IGSF6: variants seen among roughly 807,000 people sequenced by gnomAD.
IGSF6 encodes the protein down-regulated by activation (immunoglobulin superfamily).
A neutral mutation model predicts 24.7 loss-of-function variants in IGSF6; 23 were observed. The observed-to-expected ratio is 0.93, with a 90% CI of 0.67 to 1.32. The LOEUF (loss-of-function observed/expected upper bound fraction) is 1.32. Among genes scored for constraint, IGSF6 ranks in the 40% most tolerant of loss-of-function variants. The probability of loss-of-function intolerance (pLI) is 0.00; values close to 1 mark genes in which losing one functional copy is unlikely to be tolerated. For missense variants in IGSF6, 295 were observed against 293.6 expected, an observed-to-expected ratio of 1.00 and a Z score of -0.04; for synonymous variants, 110 against 113.7, an observed-to-expected ratio of 0.97 and a Z score of 0.21.
intron 1 of IGSF6, among the ~76,000 whole-genome samples, chr16:21,648,798 T>C (rs1966493260): frequency 6.6e-6 from 1 of 152,216 alleles, no homozygotes; most frequent in Admixed American, 6.5e-5. Flanking sequence ...GTCCTATTTG[T>C]GTGAGTTTGT....
chr16:21,644,312 A>G lies in IGSF6; in HGVS notation c.512T>C (p.Val171Ala). The G allele has an allele frequency of 6.2e-7, 1 of 1,613,406 alleles. No individual in the cohort carries two copies. Among genetic ancestry groups the G allele is most frequent in the Non-Finnish European group, 8.5e-7 (1 of 1,179,334 alleles). The change falls in exon 3 of 6, where the codon GTG becomes GCG. Residue 171 changes from valine to alanine, a missense_variant. By Grantham distance (64) the Val-to-Ala change is moderately conservative. Coordinates refer to ENST00000268389, the MANE Select transcript of IGSF6 (RefSeq NM_005849.4). ...TACTTTGGAGAGGAGTATGAAGGCC[A>G]CGCACACACCGGTCACATAGACAGA... ...LLSVYVTGVCVAFILLSKSKS... is the reference protein window; with the variant it reads ...LLSVYVTGVCAAFILLSKSKS...
chr16:21,645,398 A>G (rs964857671), intron 2 of IGSF6, among the ~76,000 whole-genome samples: 1 of 152,214 alleles, frequency 6.6e-6, no homozygotes, highest in Non-Finnish European at 1.5e-5. Context: ...GGTTGGTTGC[A>G]GTGAGCTGAG....
Position 21,643,127 on chromosome 16 carries a change from C to A in IGSF6, c.613G>T (p.Glu205Ter). The A allele has an allele frequency of 6.2e-7, 1 of 1,608,898 alleles. No homozygotes were observed. The highest frequency in any genetic ancestry group is 8.5e-7 in the Non-Finnish European group (1 of 1,178,110). ...TTATGGTATAGTTCTTGAGCAATTT[C>A]CTGAAAAATACGCCGAGCACTCTTC... ...KKKSARRIFQ[E>*]IAQELYHKRH... is the part of the protein sequence containing the mutation. Residue 205 changes from glutamate to a stop codon, truncating the protein, a stop_gained, in exon 5 of 6, where the codon GAA becomes TAA. Transcript: ENST00000268389. LOFTEE classifies it high-confidence loss of function.
intron 5 of IGSF6, chr16:21,642,451 A>G (rs772417081): frequency 1.3e-5 from 2 of 152,202 alleles, no homozygotes; most frequent in Non-Finnish European, 2.9e-5. Context: ...ATTTTAGCTT[A>G]TTTGAGCTAT....
At chr16:21,650,025 A>G (rs1455301624) in intron 1 of IGSF6, among the ~76,000 whole-genome samples, 2 of 152,252 alleles carry the variant, frequency 1.3e-5, no homozygotes, top group South Asian at 2.1e-4. Flanking sequence ...TGGTGTGGCC[A>G]TTAGTCACAG....
At chr16:21,649,053 C>T (rs931909490) in intron 1 of IGSF6, among the ~76,000 whole-genome samples, 3 of 152,090 alleles carry the variant, frequency 2.0e-5, no homozygotes, top group Non-Finnish European at 4.4e-5. Flanking sequence ...TGCAATGGTG[C>T]AATCACGGCA....
Position 21,643,537 on chromosome 16 carries a change from T to G in IGSF6, c.585+11A>C. On this transcript the variant is annotated intron_variant, in intron 4 of 5. Coordinates refer to ENST00000268389, the MANE Select transcript of IGSF6 (RefSeq NM_005849.4). ...CAATTTAAAAAATATTTTTCAAGTG[T>G]TGGTCTGTACCTTTTGTGAGTCTTC... is the stretch of plus-strand genomic sequence containing the variant. 1 of 1,557,998 alleles carries G rather than the reference T, an allele frequency of 6.4e-7. No homozygotes were observed. Among genetic ancestry groups the G allele is most frequent in the Non-Finnish European group, 8.8e-7 (1 of 1,137,048 alleles).
At chr16:21,648,773 A>G (rs932942715) in intron 1 of IGSF6, among the ~76,000 whole-genome samples, 6 of 152,212 alleles carry the variant, frequency 3.9e-5, no homozygotes, top group Non-Finnish European at 8.8e-5. Context: ...CCGCCTGGTC[A>G]TATATTCCCA....
In IGSF6 at chr16:21,641,296, A is replaced by G; in HGVS notation, c.*238T>C. The G allele has an allele frequency of 5.9e-6, 2 of 338,862 alleles. No homozygotes were observed. The highest frequency in any genetic ancestry group is 1.1e-4 in the South Asian group (2 of 17,846). The allele number at this position is 338,862 out of a possible 1,614,324, so 21.0% of individuals were successfully genotyped here. On this transcript the variant is annotated 3_prime_UTR_variant, in exon 6 of 6. Transcript: ENST00000268389. ...CAGACTCAGGATACAAGTTTAAAATAGAATTTTTTTTCTTGGCAAATTTGG... is the reference window on the plus strand; with the variant it reads ...CAGACTCAGGATACAAGTTTAAAATGGAATTTTTTTTCTTGGCAAATTTGG...
chr16:21,641,549 G>A lies in IGSF6; in HGVS notation c.711C>T (p.Asn237=). The A allele has an allele frequency of 6.3e-7, 1 of 1,586,540 alleles. No homozygotes were observed. Among genetic ancestry groups the A allele is most frequent in the Non-Finnish European group, 8.6e-7 (1 of 1,158,996 alleles). ...NTYENRRVLS[N]YERP Reference sequence around the variant, plus strand: ...TAAAACGTTTCTATGGCCTTTCATAGTTGGAAAGTACTCTTCTGTTTTCAT... The same window carrying A: ...TAAAACGTTTCTATGGCCTTTCATAATTGGAAAGTACTCTTCTGTTTTCAT... The change falls in exon 6 of 6, where the codon AAC becomes AAT. Residue 237 remains asparagine (N), a synonymous_variant. Transcript: ENST00000268389.
intron 1 of IGSF6, among the ~76,000 whole-genome samples, chr16:21,648,833 A>C (rs1177459032): frequency 6.6e-6 from 1 of 152,228 alleles, no homozygotes; most frequent in Non-Finnish European, 1.5e-5. Flanking sequence ...AATGAAACTG[A>C]AAAGTCATCC....
intron 1 of IGSF6, among the ~76,000 whole-genome samples, chr16:21,648,462 G>A (rs1195985617): frequency 1.3e-5 from 2 of 152,210 alleles, no homozygotes; most frequent in Non-Finnish European, 2.9e-5. Flanking sequence ...CACTGCTACT[G>A]TTCCCACAGT....
chr16:21,640,459 CA>C lies in IGSF6; in HGVS notation c.*1074del, dbSNP rs1398315417. The C allele has an allele frequency of 6.6e-6, 1 of 151,304 alleles. No homozygotes were observed. 9.4% of individuals were successfully genotyped at this position (151,304 alleles called of 1,614,324 possible). ...TTTCCCTCCTAAATTGGTTAAAAATCAGTATTATAGACTGTGCGCGGTGGCT... is the reference window on the plus strand; with the variant it reads ...TTTCCCTCCTAAATTGGTTAAAAATCGTATTATAGACTGTGCGCGGTGGCT... On this transcript the variant is annotated 3_prime_UTR_variant, in exon 6 of 6. Transcript: ENST00000268389.
At chr16:21,649,877 T>G (rs1966523124) in intron 1 of IGSF6, among the ~76,000 whole-genome samples, 1 of 152,056 alleles carries the variant, frequency 6.6e-6, no homozygotes, top group Admixed American at 6.6e-5. Flanking sequence ...CCTGGCTAAT[T>G]TTTTTATTTT....
rs926447978 is a variant in IGSF6, at chr16:21,641,440, A to T, written c.*94T>A. ...CCAGTTGTCTTTTCAGTTTACCTTT[A>T]TTTTTTTTTAAGACCTGATGATATA... On this transcript the variant is annotated 3_prime_UTR_variant, in exon 6 of 6. Transcript: ENST00000268389. The T allele has an allele frequency of 3.3e-6, 2 of 597,936 alleles. No homozygotes were observed. The highest frequency in any genetic ancestry group is 5.7e-6 in the Non-Finnish European group (2 of 353,832). The allele number at this position is 597,936 out of a possible 1,614,324, so 37.0% of individuals were successfully genotyped here.
intron 3 of IGSF6, 50 bp downstream of exon 3, chr16:21,644,240 G>T: frequency 2.4e-6 from 3 of 1,257,304 alleles, no homozygotes; most frequent in South Asian, 1.2e-5. Flanking sequence ...TTTTTCTTTT[G>T]ATAATATTCA....
intron 1 of IGSF6, among the ~76,000 whole-genome samples, chr16:21,649,371 A>C (rs1966511231): frequency 6.6e-6 from 1 of 152,150 alleles, no homozygotes; most frequent in Non-Finnish European, 1.5e-5. Flanking sequence ...GATAAATGCA[A>C]ACCAGACAAG....
intron 2 of IGSF6, 117 bp from the exon 3 acceptor site, chr16:21,644,513 G>T: frequency 1.5e-6 from 1 of 663,318 alleles, no homozygotes; most frequent in Non-Finnish European, 2.6e-6. Context: ...TACTCTGCTT[G>T]CCTATTCGTA....
intron 1 of IGSF6, among the ~76,000 whole-genome samples, chr16:21,648,979 T>C (rs1567348183): frequency 6.6e-6 from 1 of 152,038 alleles, no homozygotes; most frequent in Non-Finnish European, 1.5e-5. Flanking sequence ...TCACCATGTT[T>C]TTTTGTTTTT....
Sources: allele counts gnomAD v4.1 joint callset (sites outside exome capture counted in the v4.1 genomes callset), GRCh38; gene constraint gnomAD v4.1.1; transcripts MANE v1.5; gene names NCBI Gene and HGNC (gene_info 2026-07-23, HGNC 2026-07-21).